BAHCC1: variants seen among roughly 807,000 people sequenced by gnomAD.
BAHCC1 encodes BAH and coiled-coil domain-containing protein 1.
In BAHCC1, 43 loss-of-function variants were observed where a neutral mutation model predicts 88.2. The ratio of observed to expected loss-of-function variants is 0.49; its 90% CI spans 0.38 to 0.63. The LOEUF is 0.63. Ranked by LOEUF, BAHCC1 falls within the 20% of genes least tolerant of loss-of-function variation. The pLI is 0.00. For synonymous variants in BAHCC1, 1,510 were observed against 745.5 expected, an observed-to-expected ratio of 2.03 and a Z score of -16.71; for missense variants, 3,023 against 1,654.8, an observed-to-expected ratio of 1.83 and a Z score of -14.34.
chr17:81,451,973 G>T lies in BAHCC1; in HGVS notation c.4182G>T (p.Val1394=). 1 of 624,980 alleles carries T rather than the reference G, an allele frequency of 1.6e-6. No homozygotes were observed. The highest frequency in any genetic ancestry group is 2.9e-6 in the Non-Finnish European group (1 of 349,376). 38.7% of individuals were successfully genotyped at this position (624,980 alleles called of 1,614,324 possible). Residue 1394 remains valine, a splice_region_variant and synonymous_variant, in exon 13 of 28, where the codon GTG becomes GTT. Coordinates refer to ENST00000675386, the MANE Select transcript of BAHCC1 (RefSeq NM_001377448.1). The part of the protein sequence containing the change: ...KDTWTPKTKP[V]CPLKAAIDRL... ...GGCCCCTGTGCCCCCCCCACCAGGTGTGCCCCCTGAAGGCCGCCATCGACC... is the reference window on the plus strand; with the variant it reads ...GGCCCCTGTGCCCCCCCCACCAGGTTTGCCCCCTGAAGGCCGCCATCGACC...
rs2063782745 is a variant in BAHCC1, at chr17:81,399,352, G to A, written c.-206-182G>A. The A allele has an allele frequency of 6.7e-6, 1 of 149,762 alleles. No individual in the cohort carries two copies. Among genetic ancestry groups the A allele is most frequent in the Admixed American group, 6.7e-5 (1 of 14,964 alleles). The allele number at this position is 149,762 out of a possible 1,614,324, so 9.3% of individuals were successfully genotyped here. A position where few individuals can be genotyped will look rare whatever the true frequency, so the allele number is the denominator to read the frequency against. On this transcript the variant is annotated intron_variant, in intron 1 of 27. Transcript: ENST00000675386. This position sits in a 1 kb window ranked among gnomAD's most constrained non-coding sequence, Gnocchi z 4.5. Reference sequence around the variant, plus strand: ...TGCGCGCGCGGGGCCCCGGGTGCTGGGCTGCGCGCGCGTGCGGCGGGGAGA... The same window carrying A: ...TGCGCGCGCGGGGCCCCGGGTGCTGAGCTGCGCGCGCGTGCGGCGGGGAGA...
rs532032512 is a variant in BAHCC1, at chr17:81,458,563, G to A, written c.5344-58G>A. On this transcript the variant is annotated intron_variant, in intron 18 of 27. Coordinates refer to ENST00000675386, the MANE Select transcript of BAHCC1 (RefSeq NM_001377448.1). ...CCGCACGCTGGCCCCTGAGCTCTGG[G>A]TCAACCTGAGGCTGTCCCACCCTTG... 954 of 676,780 alleles carry A rather than the reference G, an allele frequency of 1.4e-3. 2 individuals carry two copies. The highest frequency in any genetic ancestry group is 2.2e-3 in the Non-Finnish European group (796 of 364,156). The allele number at this position is 676,780 out of a possible 1,614,324, so 41.9% of individuals were successfully genotyped here. A position where few individuals can be genotyped will look rare whatever the true frequency, so the allele number is the denominator to read the frequency against.
At chr17:81,429,242 C>T (rs2064233764) in intron 3 of BAHCC1, among the ~76,000 whole-genome samples, 1 of 152,200 alleles carries the variant, frequency 6.6e-6, no homozygotes, top group African/African-American at 2.4e-5. Flanking sequence ...AATGCAAGGC[C>T]CACCCGGGGC....
intron 3 of BAHCC1, among the ~76,000 whole-genome samples, chr17:81,429,164 C>T (rs1298728686): frequency 6.6e-6 from 1 of 152,196 alleles, no homozygotes; most frequent in Non-Finnish European, 1.5e-5. Flanking sequence ...GCTGGGTGGA[C>T]CAGCACGGGT....
rs1020222848 is a variant in BAHCC1, at chr17:81,411,820, G to A, written c.178+11903G>A. ...CACACCTGCACGCCTCAGCAAGGTC[G>A]TTCCCGACAAGCCCCTCACCGCCCC... On this transcript the variant is annotated intron_variant, in intron 2 of 27. Transcript: ENST00000675386. This position sits in a 1 kb window ranked among gnomAD's most constrained non-coding sequence, Gnocchi z 6.2. 1.4e-4 allele frequency among the ~76,000 whole-genome samples: 21 copies of A among 152,290 alleles called. No homozygotes were observed. The highest frequency in any genetic ancestry group is 4.3e-4 in the African/African-American group (18 of 41,562).
intron 2 of BAHCC1, among the ~76,000 whole-genome samples, chr17:81,417,671 GTCA>G (rs1285583768): frequency 3.1e-4 from 47 of 150,928 alleles, no homozygotes; most frequent in African/African-American, 1.1e-3. Context: ...AGCCCATCCT[GTCA>G]TCATCACCTC....
chr17:81,417,555 A>ACCGCCCCCC (rs1555648925), intron 2 of BAHCC1, among the ~76,000 whole-genome samples: 64 of 131,460 alleles, frequency 4.9e-4, no homozygotes, highest in East Asian at 1.3e-3. Context: ...AGCGTCGGCC[A>ACCGCCCCCC]CCCCCCCCCC....
intron 10 of BAHCC1, among the ~76,000 whole-genome samples, chr17:81,446,031 T>A (rs75185270): frequency 0.033 from 4,942 of 151,914 alleles, 89 homozygotes; most frequent in African/African-American, 0.05. Flanking sequence ...TTGACCAGGC[T>A]GCCATTCAGG....
At chr17:81,449,747 G>C (rs1381667250) in intron 11 of BAHCC1, among the ~76,000 whole-genome samples, 3 of 148,832 alleles carry the variant, frequency 2.0e-5, no homozygotes, top group Non-Finnish European at 4.4e-5. Context: ...GTGTTCCCTT[G>C]GTCCCCATCA....
chr17:81,415,302 G>A (rs1182937052), intron 2 of BAHCC1, among the ~76,000 whole-genome samples: 1 of 152,272 alleles, frequency 6.6e-6, no homozygotes, highest in Non-Finnish European at 1.5e-5. Flanking sequence ...TGGGGTCGCA[G>A]CAGGGTGCTG....
Position 81,443,393 on chromosome 17 carries a change from G to C in BAHCC1, c.2044G>C (p.Asp682His). ...SKGPGQSERP[D>H]CARSREHDTT... ...GGGCCCAGGCCAGTCGGAGAGGCCG[G>C]ACTGTGCCCGCAGCAGGGAGCACGA... Residue 682 changes from aspartate to histidine, a missense_variant, in exon 5 of 28, where the codon GAC (aspartate) becomes CAC (histidine). Coordinates refer to ENST00000675386, the MANE Select transcript of BAHCC1 (RefSeq NM_001377448.1). 1.3e-6 allele frequency: 1 copy of C among 773,416 alleles called. No individual in the cohort carries two copies. Among genetic ancestry groups the C allele is most frequent in the Non-Finnish European group, 2.4e-6 (1 of 415,084 alleles). 47.9% of individuals were successfully genotyped at this position (773,416 alleles called of 1,614,324 possible).
In BAHCC1 at chr17:81,455,302, A is replaced by C; in HGVS notation, c.4481A>C (p.Glu1494Ala). The C allele has an allele frequency of 1.4e-6, 1 of 717,224 alleles. No homozygotes were observed. The highest frequency in any genetic ancestry group is 2.6e-6 in the Non-Finnish European group (1 of 385,336). 44.4% of individuals were successfully genotyped at this position (717,224 alleles called of 1,614,324 possible). A position where few individuals can be genotyped will look rare whatever the true frequency, so the allele number is the denominator to read the frequency against. The change falls in exon 15 of 28, where the codon GAG (glutamate) becomes GCG (alanine). Residue 1494 changes from glutamate (E) to alanine (A), a missense_variant. Physicochemically the swap from Glu to Ala is moderately radical, Grantham distance 107. Coordinates refer to ENST00000675386, the MANE Select transcript of BAHCC1 (RefSeq NM_001377448.1). ...VRTSLGLLCA[E>A]LRGGSGGEPA... ...ACAAGCCTGGGTCTGCTGTGTGCGG[A>C]GCTGCGAGGAGGCAGTGGGGGCGAG... is the stretch of plus-strand genomic sequence containing the variant.
rs782660404 is a variant in BAHCC1, at chr17:81,444,527, G to A, written c.2471G>A (p.Arg824His). Residue 824 changes from arginine to histidine, a missense_variant, in exon 7 of 28, where the codon CGC (arginine) becomes CAC (histidine). Arg to His is a conservative substitution (Grantham distance 29). Transcript: ENST00000675386. The stretch of plus-strand genomic sequence containing the variant: ...CACCCCCATCCCCCCTGGCTGCCCC[G>A]CACCCGCAGCCCCTCCCTGTGGATG... ...HTHPHPPWLP[R>H]TRSPSLWMGG... The A allele has an allele frequency of 7.9e-5, 53 of 669,122 alleles. No homozygotes were observed. The highest frequency in any genetic ancestry group is 1.0e-4 in the Non-Finnish European group (38 of 364,850). The allele number at this position is 669,122 out of a possible 1,614,324, so 41.4% of individuals were successfully genotyped here.
At chr17:81,424,346 T>C (rs1169481395) in intron 2 of BAHCC1, among the ~76,000 whole-genome samples, 3 of 152,240 alleles carry the variant, frequency 2.0e-5, no homozygotes, top group Non-Finnish European at 2.9e-5. Context: ...CTTGACCTTT[T>C]TGGCAAGTTC....
chr17:81,447,697 C>T lies in BAHCC1; in HGVS notation c.3825C>T (p.Ser1275=), dbSNP rs372572674. Residue 1275 remains serine, a synonymous_variant, in exon 11 of 28, where the codon AGC becomes AGT. Transcript: ENST00000675386. ...AATINLGDLP[S]DSPPDPQPPA... is the part of the protein sequence containing the mutation. ...CCATCAACCTGGGGGACCTGCCCAG[C>T]GACAGCCCACCGGACCCTCAGCCCC... 26 of 734,974 alleles carry T rather than the reference C, an allele frequency of 3.5e-5. No homozygotes were observed. Among genetic ancestry groups the T allele is most frequent in the Admixed American group, 5.7e-5 (3 of 52,284 alleles). The allele number at this position is 734,974 out of a possible 1,614,324, so 45.5% of individuals were successfully genotyped here.
intron 2 of BAHCC1, among the ~76,000 whole-genome samples, chr17:81,406,626 C>A (rs1475841612): frequency 6.6e-6 from 1 of 152,264 alleles, no homozygotes; most frequent in Admixed American, 6.5e-5. Flanking sequence ...TATACCGTTT[C>A]GCTCACGCAG....
chr17:81,451,094 C>T (rs1318002981), intron 11 of BAHCC1: 2 of 154,860 alleles, frequency 1.3e-5, no homozygotes, highest in East Asian at 3.9e-4. Context: ...GAGTGATGCC[C>T]AGGTGCTGAA....
intron 2 of BAHCC1, among the ~76,000 whole-genome samples, chr17:81,409,525 C>A (rs1234390087): frequency 6.6e-5 from 10 of 152,208 alleles, no homozygotes; most frequent in Non-Finnish European, 1.3e-4. Flanking sequence ...CTGGCTGGGG[C>A]TGTGAGGCGA....
At position 81,464,078 on chromosome 17, in the gene BAHCC1, C is replaced by A. The variant is rs2030534266; in HGVS notation, c.*261C>A. The A allele has an allele frequency of 1.8e-6, 1 of 560,326 alleles. No homozygotes were observed. Among genetic ancestry groups the A allele is most frequent in the African/African-American group, 1.9e-5 (1 of 53,140 alleles). 34.7% of individuals were successfully genotyped at this position (560,326 alleles called of 1,614,324 possible). ...ATGGGTCCCCGGCCCGCCCCACCCA[C>A]AGCGCCCTCCGTTTCCCGCACCGGC... On this transcript the variant is annotated 3_prime_UTR_variant, in exon 28 of 28. Transcript: ENST00000675386.
Sources: gnomAD v4.1 joint callset for allele counts (sites outside exome capture counted in the v4.1 genomes callset) on GRCh38, gnomAD v4.1.1 for gene constraint, Gnocchi (gnomAD v3.1) non-coding constraint, MANE v1.5 for transcripts, NCBI Gene and HGNC (gene_info 2026-07-23, HGNC 2026-07-21) for gene names.